Variants in LY75 observed in about 807,000 individuals in gnomAD.
The protein encoded by LY75 is C-type lectin domain family 13 member B.
In LY75, 185 loss-of-function variants were observed where a neutral mutation model predicts 231.7. The observed-to-expected ratio is 0.80, with a 90% CI of 0.71 to 0.90. The LOEUF (loss-of-function observed/expected upper bound fraction) is 0.90, where lower values mean the gene tolerates loss of function less well. LY75 is among the 40% of genes least tolerant of loss of function. The pLI is 0.00. For missense variants in LY75, 1,947 were observed against 2,050.2 expected, an observed-to-expected ratio of 0.95 and a Z score of 0.97; for synonymous variants, 668 against 689.0, an observed-to-expected ratio of 0.97 and a Z score of 0.48.
In LY75 at chr2:159,842,283, CT is replaced by C. The variant is rs756706635; in HGVS notation, c.3241del (p.Ser1081ValfsTer28). On this transcript the variant is annotated frameshift_variant, in exon 24 of 35. Transcript: ENST00000263636. LOFTEE classifies it high-confidence loss of function. ...FTGTWNFTSCSERHFVSLCQK... is the reference protein window; with the variant it reads ...FTGTWNFTSCXERHFVSLCQK... ...ACAGAGAGACACAAAGTGGCGTTCA[CT>C]GCAGGATGTAAAATTCCACGTCCCA... 2 of 1,612,572 alleles carry C rather than the reference CT, an allele frequency of 1.2e-6. No individual in the cohort carries two copies. Among genetic ancestry groups the C allele is most frequent in the Non-Finnish European group, 1.7e-6 (2 of 1,179,052 alleles).
chr2:159,817,591 T>C (rs534415867), intron 29 of LY75, among the ~76,000 whole-genome samples: 94 of 152,288 alleles, frequency 6.2e-4, no homozygotes, highest in African/African-American at 2.2e-3. Flanking sequence ...TGTTAGATTA[T>C]AATCCAAAGT....
At chr2:159,829,198 C>T (rs1032668728) in intron 28 of LY75, among the ~76,000 whole-genome samples, 1 of 152,208 alleles carries the variant, frequency 6.6e-6, no homozygotes, top group Non-Finnish European at 1.5e-5. Flanking sequence ...CAAGGCAAGA[C>T]CCCTAAACAT....
At chr2:159,862,893 T>A (rs1684756707) in intron 14 of LY75, among the ~76,000 whole-genome samples, 1 of 152,162 alleles carries the variant, frequency 6.6e-6, no homozygotes. Flanking sequence ...ATAGATCTCT[T>A]GAACTTATTC....
chr2:159,837,369 C>T (rs879145982), intron 25 of LY75, among the ~76,000 whole-genome samples: 2 of 152,278 alleles, frequency 1.3e-5, no homozygotes, highest in Admixed American at 1.3e-4. Flanking sequence ...GGACATTATC[C>T]TAAGTAAATT....
At chr2:159,869,057 C>T (rs985570509) in intron 13 of LY75, among the ~76,000 whole-genome samples, 1 of 152,038 alleles carries the variant, frequency 6.6e-6, no homozygotes, top group Non-Finnish European at 1.5e-5. Flanking sequence ...GGACAGAAAA[C>T]CAAACACCGC....
intron 12 of LY75, among the ~76,000 whole-genome samples, chr2:159,873,047 A>T (rs1456182412): frequency 1.3e-5 from 2 of 152,202 alleles, no homozygotes. Context: ...ACCAAAGAGC[A>T]GTCTGCACTG....
chr2:159,865,761 T>A (rs1389970743), intron 13 of LY75, among the ~76,000 whole-genome samples: 1 of 152,152 alleles, frequency 6.6e-6, no homozygotes, highest in Non-Finnish European at 1.5e-5. Flanking sequence ...TTTCTAGTCA[T>A]GATCTGAATG....
rs773140230 is a variant in LY75 at position 159,885,201 on chromosome 2, G to C, written c.1006C>G (p.Leu336Val). 12 of 1,613,554 alleles carry C rather than the reference G, an allele frequency of 7.4e-6. No homozygotes were observed. The South Asian group carries it at 1.1e-4, about 15-fold the overall frequency. ...LWQSFSCEAQ[L>V]PYVCRKPLNN... ...AATGGTTTCCTGCAGACATAGGGCA[G>C]TTGAGCTTCACAGGAAAAGCTCTGC... Residue 336 changes from leucine (L) to valine (V), a missense_variant, in exon 6 of 35, where the codon CTG becomes GTG. Transcript: ENST00000263636.
At chr2:159,820,648 C>A (rs950905960) in intron 28 of LY75, among the ~76,000 whole-genome samples, 5 of 152,164 alleles carry the variant, frequency 3.3e-5, no homozygotes, top group African/African-American at 9.7e-5. Context: ...TCTATGTAAC[C>A]AACCACCACC....
At position 159,881,109 on chromosome 2, in the gene LY75, G is replaced by A; in HGVS notation, c.1378C>T (p.Pro460Ser). 1.9e-6 allele frequency: 3 copies of A among 1,613,776 alleles called. No homozygotes were observed. Among genetic ancestry groups the A allele is most frequent in the East Asian group, 2.2e-5 (1 of 44,860 alleles). ...TCTCCTAAGTAGGAAACACAGTTGG[G>A]CGTCTTATTGTAGGGAACATTTGGC... ...NEPNVPYNKT[P>S]NCVSYLGELG... is the part of the protein sequence containing the mutation. The change falls in exon 8 of 35, where the codon CCC (proline) becomes TCC (serine). Residue 460 changes from proline to serine, a missense_variant. By Grantham distance (74) the Pro-to-Ser change is moderately conservative. Coordinates refer to ENST00000263636, the MANE Select transcript of LY75 (RefSeq NM_002349.4).
chr2:159,844,789 CTTTT>C (rs143897451), intron 23 of LY75, among the ~76,000 whole-genome samples: 15 of 141,496 alleles, frequency 1.1e-4, no homozygotes, highest in Admixed American at 4.2e-4. Context: ...AGCTGTCATT[CTTTT>C]TTTTTTTTTT....
rs902356130 is a variant in LY75, at chr2:159,872,329, C to A, written c.2117+122G>T. 5.3e-6 allele frequency: 7 copies of A among 1,317,762 alleles called. No individual in the cohort carries two copies. In the African/African-American group the frequency reaches 7.4e-5, roughly 14 times the overall value. The allele number at this position is 1,317,762 out of a possible 1,614,324, so 81.6% of individuals were successfully genotyped here. A position where few individuals can be genotyped will look rare whatever the true frequency, so the allele number is the denominator to read the frequency against. On this transcript the variant is annotated intron_variant, in intron 13 of 34. Coordinates refer to ENST00000263636, the MANE Select transcript of LY75 (RefSeq NM_002349.4). ...CCATGACTGCTAAGCACCAAATGAC[C>A]TTTTAGATAATAAAACATGTCCATT...
chr2:159,805,772 G>A (rs948643425), intron 34 of LY75, among the ~76,000 whole-genome samples: 13 of 152,156 alleles, frequency 8.5e-5, no homozygotes, highest in Admixed American at 3.9e-4. Context: ...TACACATCTC[G>A]TCCCTCTATG....
chr2:159,895,266 T>C (rs142014542), intron 2 of LY75, among the ~76,000 whole-genome samples: 51 of 152,366 alleles, frequency 3.3e-4, no homozygotes, highest in African/African-American at 1.1e-3. Flanking sequence ...ACTGGTTTTG[T>C]TTTGCTGTGT....
At chr2:159,829,408 G>A (rs955223542) in intron 28 of LY75, among the ~76,000 whole-genome samples, 6 of 152,138 alleles carry the variant, frequency 3.9e-5, no homozygotes, top group Non-Finnish European at 7.4e-5. Context: ...TTGGCTTAAT[G>A]TATCTCTCAG....
At chr2:159,855,928 AGGAC>A (rs1310473234) in intron 16 of LY75, among the ~76,000 whole-genome samples, 1 of 152,244 alleles carries the variant, frequency 6.6e-6, no homozygotes, top group African/African-American at 2.4e-5. Flanking sequence ...CCTGACTCAG[AGGAC>A]TGCCTGAATA....
rs1221238488 is a variant in LY75 at position 159,891,727 on chromosome 2, T to C, written c.638-1350A>G. On this transcript the variant is annotated intron_variant, in intron 3 of 34. Coordinates refer to ENST00000263636, the MANE Select transcript of LY75 (RefSeq NM_002349.4). ...GGCAGCAAGGTACAGTGGGGGTAAA[T>C]ATGTACAGTGGGGAAGGAGGATAAA... Among the ~76,000 whole-genome samples, 3 of 152,216 alleles carry C rather than the reference T, an allele frequency of 2.0e-5. No homozygotes were observed. In the East Asian group the frequency reaches 5.8e-4, roughly 29 times the overall value.
intron 32 of LY75, among the ~76,000 whole-genome samples, chr2:159,808,995 C>T (rs1015820130): frequency 6.6e-6 from 1 of 152,148 alleles, no homozygotes; most frequent in Non-Finnish European, 1.5e-5. Context: ...TTACAGTAAA[C>T]CATTCTGTTT....
chr2:159,903,370 C>T (rs1044154418), intron 1 of LY75: 2 of 152,164 alleles, frequency 1.3e-5, no homozygotes, highest in African/African-American at 4.8e-5. Context: ...TGAACTTTTC[C>T]ACCTTGGATT....
Sources: gnomAD v4.1 joint callset for allele counts (sites outside exome capture counted in the v4.1 genomes callset) on GRCh38, gnomAD v4.1.1 for gene constraint, MANE v1.5 for transcripts, NCBI Gene and HGNC (gene_info 2026-07-23, HGNC 2026-07-21) for gene names.